LIMS2: variants seen among roughly 807,000 people sequenced by gnomAD.
LIMS2 encodes LIM zinc finger domain containing 2, also known as LIM and senescent cell antigen-like-containing domain protein 2.
LIMS2 carries 30 observed loss-of-function variants against 45.3 expected under a neutral mutation model. That is an observed-to-expected ratio of 0.66 (90% CI 0.50 to 0.90). LIMS2 has a LOEUF of 0.90. Ranked by LOEUF, LIMS2 falls within the 40% of genes least tolerant of loss-of-function variation. The pLI, the probability that LIMS2 is intolerant of heterozygous loss-of-function variation, is 0.00. For missense variants in LIMS2, 485 were observed against 468.7 expected (o/e 1.03, Z -0.32); for synonymous variants, 173 against 188.0 (o/e 0.92, Z 0.65).
At chr2:127,680,861 G>A (rs962860945) in intron 1 of LIMS2, among the ~76,000 whole-genome samples, 1 of 151,992 alleles carries the variant, frequency 6.6e-6, no homozygotes, top group Non-Finnish European at 1.5e-5. Context: ...ACATATCCAG[G>A]AATGCCACAT....
At chr2:127,668,053 A>G (rs1460356405) in intron 1 of LIMS2, among the ~76,000 whole-genome samples, 1 of 152,260 alleles carries the variant, frequency 6.6e-6, no homozygotes, top group Non-Finnish European at 1.5e-5. Context: ...AATATGAAAT[A>G]AAACAACCCC....
intron 2 of LIMS2, among the ~76,000 whole-genome samples, chr2:127,656,611 C>T (rs932737138): frequency 2.6e-5 from 4 of 152,252 alleles, no homozygotes; most frequent in African/African-American, 7.2e-5. Flanking sequence ...GACAGGGTTT[C>T]ACCATGTTGG....
At chr2:127,677,262 G>C (rs6430943), upstream of LIMS2, among the ~76,000 whole-genome samples, 58,589 of 152,166 alleles carry the variant, frequency 0.39, 12,567 homozygotes, top group African/African-American at 0.58. This position sits in a 1 kb window ranked among gnomAD's most constrained non-coding sequence, Gnocchi z 5.0. Context: ...GGAAGTACTA[G>C]GGGGAGAAAG....
intron 4 of LIMS2, chr2:127,651,306 C>T (rs764657591): frequency 4.3e-6 from 7 of 1,609,518 alleles, no homozygotes; most frequent in Admixed American, 3.3e-5. Flanking sequence ...GAAGGCCTCC[C>T]ACCATGCCCT....
rs1573756823 is a variant in LIMS2, at chr2:127,642,918, C to T, written c.509+5G>A. ...CACAACTGCAGGGCCGGGCTGCGCA[C>T]CTACCCACAGTGGGTGCAGTTGAAG... On this transcript the variant is annotated splice_donor_5th_base_variant and intron_variant, in intron 5 of 9. Coordinates refer to ENST00000355119, the MANE Select transcript of LIMS2 (RefSeq NM_001161403.3). The surrounding 1 kb of genome is among the most constrained non-coding windows in gnomAD (Gnocchi z 5.3). The T allele has an allele frequency of 6.4e-7, 1 of 1,559,410 alleles. No homozygotes were observed. Among genetic ancestry groups the T allele is most frequent in the Non-Finnish European group, 8.7e-7 (1 of 1,151,858 alleles).
intron 1 of LIMS2, among the ~76,000 whole-genome samples, chr2:127,668,747 A>T (rs913832176): frequency 6.7e-6 from 1 of 150,062 alleles, no homozygotes; most frequent in Non-Finnish European, 1.5e-5. Flanking sequence ...CTTACTAAAA[A>T]ATTGTAAGTG....
At chr2:127,669,442 G>A (rs1387782362) in intron 1 of LIMS2, among the ~76,000 whole-genome samples, 2 of 152,188 alleles carry the variant, frequency 1.3e-5, no homozygotes, top group African/African-American at 4.8e-5. Context: ...GGCTGGGCAC[G>A]GTGGCTCGTG....
rs767948105 is a variant in LIMS2 at position 127,654,426 on chromosome 2, G to A, written c.357C>T (p.Gly119=). ...LADLGFVKNA[G]RHLCRPCHNR... is the part of the protein sequence containing the mutation. The stretch of plus-strand genomic sequence containing the variant: ...CTGGCCCAACACGGCCACCTCACCT[G>A]CCGGCATTCTTCACAAAGCCCAGGT... Residue 119 remains glycine (G), a splice_region_variant and synonymous_variant, in exon 4 of 10, where the codon GGC becomes GGT. Coordinates refer to ENST00000355119, the MANE Select transcript of LIMS2 (RefSeq NM_001161403.3). 6 of 1,614,054 alleles carry A rather than the reference G, an allele frequency of 3.7e-6. No individual in the cohort carries two copies. The highest frequency in any genetic ancestry group is 1.7e-5 in the Admixed American group (1 of 60,022).
At chr2:127,649,554 G>A (rs1006879802) in intron 4 of LIMS2, among the ~76,000 whole-genome samples, 27 of 152,360 alleles carry the variant, frequency 1.8e-4, no homozygotes, top group African/African-American at 3.8e-4. Context: ...CCCTGGTTCC[G>A]GGCTGCGGGC....
chr2:127,652,913 G>C (rs2105284344), intron 4 of LIMS2, among the ~76,000 whole-genome samples: 1 of 152,318 alleles, frequency 6.6e-6, no homozygotes, highest in East Asian at 1.9e-4. Context: ...AACGTTTCCA[G>C]CATCTTTCAG....
chr2:127,660,718 G>T (rs1174059209), intron 1 of LIMS2, among the ~76,000 whole-genome samples: 2 of 152,194 alleles, frequency 1.3e-5, no homozygotes, highest in African/African-American at 4.8e-5. Flanking sequence ...GCGAGACCAA[G>T]AACCCACCAA....
chr2:127,657,336 C>T (rs1002303840), intron 2 of LIMS2, 67 bp downstream of exon 2: 14 of 1,592,044 alleles, frequency 8.8e-6, no homozygotes, highest in Non-Finnish European at 6.9e-6. Context: ...GCATGGAGCC[C>T]GGCCCACCCG....
intron 1 of LIMS2, among the ~76,000 whole-genome samples, chr2:127,669,653 G>A (rs1685189858): frequency 6.6e-6 from 1 of 152,132 alleles, no homozygotes; most frequent in Admixed American, 6.5e-5. Context: ...AGGAGGCGGA[G>A]GTTGCAGTGA....
Position 127,667,327 on chromosome 2 carries a change from C to A in LIMS2, c.11+7687G>T, listed in dbSNP as rs564965644. ...AAAACAAAAAACAAAAAACAACAAA[C>A]CTTCACAAAATCTTTCCAAACAAAA... On this transcript the variant is annotated intron_variant, in intron 1 of 9. Transcript: ENST00000355119. This position sits in a 1 kb window ranked among gnomAD's most constrained non-coding sequence, Gnocchi z 4.1. 6.6e-6 allele frequency among the ~76,000 whole-genome samples: 1 copy of A among 152,172 alleles called. No homozygotes were observed. The highest frequency in any genetic ancestry group is 2.1e-4 in the South Asian group (1 of 4,818).
chr2:127,665,638 C>T (rs932447191), intron 1 of LIMS2, among the ~76,000 whole-genome samples: 1 of 152,160 alleles, frequency 6.6e-6, no homozygotes, highest in Non-Finnish European at 1.5e-5. Context: ...TAGGGAATAC[C>T]GCTGACTCTC....
rs1684020729 is a variant in LIMS2, at chr2:127,653,623, G to A, written c.359+801C>T. Among the ~76,000 whole-genome samples the A allele has an allele frequency of 6.6e-6, 1 of 152,044 alleles. No individual in the cohort carries two copies. Among genetic ancestry groups the A allele is most frequent in the Non-Finnish European group, 1.5e-5 (1 of 68,016 alleles). ...GGGAGTGAGCAGGTGCAGCTGTGGG[G>A]GCGGGCAGAACCACAGGAACTCAGG... On this transcript the variant is annotated intron_variant, in intron 4 of 9. Coordinates refer to ENST00000355119, the MANE Select transcript of LIMS2 (RefSeq NM_001161403.3). The surrounding 1 kb of genome is among the most constrained non-coding windows in gnomAD (Gnocchi z 5.3).
Position 127,672,030 on chromosome 2 carries a change from A to C in LIMS2, c.11+2984T>G, listed in dbSNP as rs1245555523. On this transcript the variant is annotated intron_variant, in intron 1 of 9. Coordinates refer to ENST00000355119, the MANE Select transcript of LIMS2 (RefSeq NM_001161403.3). The surrounding 1 kb of genome is among the most constrained non-coding windows in gnomAD (Gnocchi z 4.9). ...GATCTAGCAGCCTGCTCTGCGCTGTACTAAGCATGGGCTCAGCACACAATC... is the reference window on the plus strand; with the variant it reads ...GATCTAGCAGCCTGCTCTGCGCTGTCCTAAGCATGGGCTCAGCACACAATC... 6.6e-6 allele frequency among the ~76,000 whole-genome samples: 1 copy of C among 152,230 alleles called. No individual in the cohort carries two copies. The highest frequency in any genetic ancestry group is 1.5e-5 in the Non-Finnish European group (1 of 68,032).
Position 127,675,002 on chromosome 2 carries a change from G to A in LIMS2, c.11+12C>T, listed in dbSNP as rs573986161. ...GCCTCCCCGGCCCGGGGGCGTGGGT[G>A]GGGGCCGTTACCTTCCCGTCATGGT... On this transcript the variant is annotated intron_variant, in intron 1 of 9. Coordinates refer to ENST00000355119, the MANE Select transcript of LIMS2 (RefSeq NM_001161403.3). 32 of 1,229,812 alleles carry A rather than the reference G, an allele frequency of 2.6e-5. 1 individual carries two copies. The South Asian group carries it at 1.2e-3, about 46-fold the overall frequency. The allele number at this position is 1,229,812 out of a possible 1,614,324, so 76.2% of individuals were successfully genotyped here.
chr2:127,664,557 C>CCAAA lies in LIMS2; in HGVS notation c.12-6999_12-6996dup. On this transcript the variant is annotated intron_variant, in intron 1 of 9. Coordinates refer to ENST00000355119, the MANE Select transcript of LIMS2 (RefSeq NM_001161403.3). The surrounding 1 kb of genome is among the most constrained non-coding windows in gnomAD (Gnocchi z 5.5). ...GAGCTCACGTTACGCGCTGGGATCT[C>CCAAA]CAAAGGGCAGCAGAGTCAACTCCAA... is the stretch of plus-strand genomic sequence containing the variant. The CCAAA allele has an allele frequency of 8.7e-7, 1 of 1,149,618 alleles. No individual in the cohort carries two copies. The highest frequency in any genetic ancestry group is 1.1e-6 in the Non-Finnish European group (1 of 935,768). The allele number at this position is 1,149,618 out of a possible 1,614,324, so 71.2% of individuals were successfully genotyped here. A position where few individuals can be genotyped will look rare whatever the true frequency, so the allele number is the denominator to read the frequency against.
Sources: gnomAD v4.1 joint callset for allele counts (sites outside exome capture counted in the v4.1 genomes callset) on GRCh38, gnomAD v4.1.1 for gene constraint, Gnocchi (gnomAD v3.1) non-coding constraint, MANE v1.5 for transcripts, NCBI Gene and HGNC (gene_info 2026-07-23, HGNC 2026-07-21) for gene names.